THSD4: variants seen among roughly 807,000 people sequenced by gnomAD.
The protein encoded by THSD4 is thrombospondin type 1 domain containing 4, also known as thrombospondin type-1 domain-containing protein 4.
Under a neutral mutation model 119.0 loss-of-function variants are expected in THSD4, and 69 were observed. The observed-to-expected ratio is 0.58, with a 90% CI of 0.48 to 0.71. The LOEUF (loss-of-function observed/expected upper bound fraction) is 0.71, where lower values mean the gene tolerates loss of function less well. Ranked by LOEUF, THSD4 falls within the 30% of genes least tolerant of loss-of-function variation. The pLI is 0.00. For synonymous variants in THSD4, 524 were observed against 540.4 expected, an observed-to-expected ratio of 0.97 and a Z score of 0.42; for missense variants, 1,393 against 1,391.1, an observed-to-expected ratio of 1.00 and a Z score of -0.02.
At chr15:71,482,635 G>A (rs2047751173) in intron 7 of THSD4, among the ~76,000 whole-genome samples, 1 of 151,000 alleles carries the variant, frequency 6.6e-6, no homozygotes, top group Non-Finnish European at 1.5e-5. Flanking sequence ...GCCCAGGCTG[G>A]AGTACAGTGA....
At chr15:71,637,532 A>G (rs1486953585) in intron 7 of THSD4, among the ~76,000 whole-genome samples, 1 of 152,144 alleles carries the variant, frequency 6.6e-6, no homozygotes, top group African/African-American at 2.4e-5. Context: ...TGGCATCCTC[A>G]GGGAAGAAAT....
intron 4 of THSD4, among the ~76,000 whole-genome samples, chr15:71,217,206 C>T (rs530209665): frequency 5.9e-5 from 9 of 152,220 alleles, no homozygotes; most frequent in African/African-American, 1.2e-4. Context: ...GCATTTCTTC[C>T]GTCGTATGGG....
chr15:71,149,493 C>T (rs989507745), intron 2 of THSD4, among the ~76,000 whole-genome samples: 2 of 152,098 alleles, frequency 1.3e-5, no homozygotes, highest in African/African-American at 2.4e-5. Context: ...AAGTGATCCG[C>T]CTGCCTCGGC....
intron 3 of THSD4, among the ~76,000 whole-genome samples, chr15:71,182,752 C>T (rs1427049015): frequency 2.6e-5 from 4 of 151,608 alleles, no homozygotes; most frequent in Non-Finnish European, 5.9e-5. Context: ...CTTTTCCTCC[C>T]AGTGATGATG....
intron 9 of THSD4, chr15:71,729,349 T>G (rs761373874): frequency 3.3e-5 from 5 of 152,360 alleles, no homozygotes; most frequent in Non-Finnish European, 7.3e-5. Flanking sequence ...CCACTAGAAT[T>G]CAATCTTCTT....
At chr15:71,128,538 A>AAAAAT (rs1259994892) in intron 1 of THSD4, among the ~76,000 whole-genome samples, 4 of 151,698 alleles carry the variant, frequency 2.6e-5, no homozygotes, top group Admixed American at 6.6e-5. Context: ...AAAAAAAAAA[A>AAAAAT]AAAGGCTATA....
chr15:71,260,023 A>AT (rs1454150066), intron 6 of THSD4, among the ~76,000 whole-genome samples: 4 of 152,156 alleles, frequency 2.6e-5, no homozygotes, highest in African/African-American at 9.7e-5. Context: ...CAGGAGCAGA[A>AT]GCTGCCTTGC....
Position 71,393,447 on chromosome 15 carries a change from C to T in THSD4, c.1016-18240C>T, listed in dbSNP as rs145933178. The stretch of plus-strand genomic sequence containing the variant: ...TTCATGCAGGAATAAACTCACCACG[C>T]TACCAGGGAGAGAGGTGAGCCTTGG... On this transcript the variant is annotated intron_variant, in intron 6 of 17. Coordinates refer to ENST00000261862, the MANE Select transcript of THSD4 (RefSeq NM_024817.3). 3.3e-3 allele frequency among the ~76,000 whole-genome samples: 495 copies of T among 152,196 alleles called. 2 individuals carry two copies. The highest frequency in any genetic ancestry group is 0.012 in the African/African-American group (478 of 41,528).
At chr15:71,165,198 C>G in intron 3 of THSD4, 5 of 1,570,076 alleles carry the variant, frequency 3.2e-6, no homozygotes, top group Non-Finnish European at 4.4e-6. Context: ...GTTTTCATTT[C>G]TCTTTCATAA....
rs1224704473 is a variant in THSD4, at chr15:71,418,452, G to T, written c.1152+6629G>T. On this transcript the variant is annotated intron_variant, in intron 7 of 17. Transcript: ENST00000261862. Reference sequence around the variant, plus strand: ...TTCCTTCTATACCCAACTTTTTGAGGGTTTTTATCATGAAGGGATGTTGAA... The same window carrying T: ...TTCCTTCTATACCCAACTTTTTGAGTGTTTTTATCATGAAGGGATGTTGAA... Among the ~76,000 whole-genome samples the T allele has an allele frequency of 5.6e-5, 6 of 107,816 alleles. 3 individuals carry two copies. Among genetic ancestry groups the T allele is most frequent in the Non-Finnish European group, 1.2e-4 (6 of 48,934 alleles). The allele number at this position is 107,816 out of a possible 152,430, so 70.7% of individuals were successfully genotyped here.
intron 3 of THSD4, among the ~76,000 whole-genome samples, chr15:71,199,677 T>TGTGTGTGTGTG: frequency 1.9e-4 from 1 of 5,344 alleles, no homozygotes; most frequent in Admixed American, 1.8e-3. Context: ...GTGTGGAGGG[T>TGTGTGTGTGTG]GTGTGTGTGT....
At chr15:71,625,099 C>A (rs991522202) in intron 7 of THSD4, among the ~76,000 whole-genome samples, 31 of 152,112 alleles carry the variant, frequency 2.0e-4, no homozygotes, top group Non-Finnish European at 3.7e-4. Flanking sequence ...CCTTTGCCTC[C>A]AGGTTCAAGT....
chr15:71,688,415 T>C (rs2051963544), intron 8 of THSD4, among the ~76,000 whole-genome samples: 1 of 152,244 alleles, frequency 6.6e-6, no homozygotes, highest in Non-Finnish European at 1.5e-5. Context: ...AATTGTGTCC[T>C]AATTTTTTAA....
chr15:71,100,026 G>A (rs1377268385), intron 1 of THSD4, among the ~76,000 whole-genome samples: 1 of 152,198 alleles, frequency 6.6e-6, no homozygotes, highest in African/African-American at 2.4e-5. Context: ...CTCTTAGGCA[G>A]TATGTAGTTG....
At chr15:71,637,960 C>G (rs1371076714) in intron 7 of THSD4, among the ~76,000 whole-genome samples, 1 of 152,140 alleles carries the variant, frequency 6.6e-6, no homozygotes, top group East Asian at 1.9e-4. Flanking sequence ...CTCCTGACCT[C>G]AGGTGATCCA....
intron 6 of THSD4, among the ~76,000 whole-genome samples, chr15:71,409,227 T>C (rs2046650607): frequency 6.6e-6 from 1 of 150,938 alleles, no homozygotes; most frequent in African/African-American, 2.4e-5. Flanking sequence ...CCCCAAAAGA[T>C]AGTATCTCAA....
chr15:71,307,321 C>G (rs2045044037), intron 6 of THSD4, among the ~76,000 whole-genome samples: 1 of 152,174 alleles, frequency 6.6e-6, no homozygotes, highest in East Asian at 1.9e-4. Context: ...CCACATGTAA[C>G]TTGGTATTAT....
At chr15:71,506,669 T>C (rs776745267) in intron 7 of THSD4, among the ~76,000 whole-genome samples, 1 of 152,062 alleles carries the variant, frequency 6.6e-6, no homozygotes, top group Non-Finnish European at 1.5e-5. Flanking sequence ...GATCAGATGA[T>C]CCCATTGTAT....
In THSD4 at chr15:71,410,107, T is replaced by C. The variant is rs28437052; in HGVS notation, c.1016-1580T>C. Among the ~76,000 whole-genome samples the C allele has an allele frequency of 1.2e-3, 181 of 152,232 alleles. 2 individuals carry two copies. The highest frequency in any genetic ancestry group is 4.2e-3 in the African/African-American group (176 of 41,550). ...GTGATAGAAATGTACAGAAAGACTC[T>C]GAGGTAGGGAAATATATCTAGCAGG... On this transcript the variant is annotated intron_variant, in intron 6 of 17. Coordinates refer to ENST00000261862, the MANE Select transcript of THSD4 (RefSeq NM_024817.3).
Sources: gnomAD v4.1 joint callset for allele counts (sites outside exome capture counted in the v4.1 genomes callset) on GRCh38, gnomAD v4.1.1 for gene constraint, MANE v1.5 for transcripts, NCBI Gene and HGNC (gene_info 2026-07-23, HGNC 2026-07-21) for gene names.